ASCC3: variants seen among roughly 807,000 people sequenced by gnomAD.
The protein encoded by ASCC3 is ASC-1 complex subunit P200.
ASCC3 carries 158 observed loss-of-function variants against 256.3 expected under a neutral mutation model. The ratio of observed to expected loss-of-function variants is 0.62; its 90% CI spans 0.54 to 0.70. ASCC3 has a LOEUF of 0.70. Among genes scored for constraint, ASCC3 ranks in the 30% least tolerant of loss-of-function variants. The pLI is 0.00. For synonymous variants in ASCC3, 948 were observed against 883.4 expected (o/e 1.07, Z -1.30); for missense variants, 2,259 against 2,626.0 (o/e 0.86, Z 3.05).
chr6:100,785,441 C>T (rs1769017563), intron 8 of ASCC3, among the ~76,000 whole-genome samples: 1 of 152,112 alleles, frequency 6.6e-6, no homozygotes, highest in Non-Finnish European at 1.5e-5. Context: ...CGTTCTGCTG[C>T]CCAGGCTGGA....
chr6:100,535,125 C>T (rs1013589882), intron 37 of ASCC3, among the ~76,000 whole-genome samples: 1 of 152,152 alleles, frequency 6.6e-6, no homozygotes, highest in African/African-American at 2.4e-5. Context: ...TGGCCTTATA[C>T]TAAAATGGCA....
intron 13 of ASCC3, among the ~76,000 whole-genome samples, chr6:100,687,011 A>ATCTC (rs374661172): frequency 2.8e-4 from 39 of 141,638 alleles, no homozygotes; most frequent in Non-Finnish European, 4.1e-4. Context: ...CTGTACTTAA[A>ATCTC]TCTCTCTCTC....
intron 16 of ASCC3, among the ~76,000 whole-genome samples, chr6:100,656,452 A>G (rs902450140): frequency 1.3e-5 from 2 of 151,710 alleles, no homozygotes; most frequent in African/African-American, 4.8e-5. Flanking sequence ...CTCATGTACA[A>G]GAACAGGGAG....
intron 30 of ASCC3, among the ~76,000 whole-genome samples, chr6:100,615,515 A>G (rs1773625142): frequency 6.6e-6 from 1 of 152,168 alleles, no homozygotes; most frequent in African/African-American, 2.4e-5. Flanking sequence ...TTTTGCATCT[A>G]TAAAACTGGG....
chr6:100,716,360 G>A (rs971766990), intron 12 of ASCC3, among the ~76,000 whole-genome samples: 1 of 151,722 alleles, frequency 6.6e-6, no homozygotes, highest in African/African-American at 2.4e-5. Context: ...AACCAAAAAG[G>A]TAAGGTGGCT....
chr6:100,624,215 T>C (rs1236357980), intron 30 of ASCC3, among the ~76,000 whole-genome samples: 1 of 151,752 alleles, frequency 6.6e-6, no homozygotes, highest in Non-Finnish European at 1.5e-5. Context: ...TGTATAGAAA[T>C]ACACATATAT....
intron 4 of ASCC3, among the ~76,000 whole-genome samples, chr6:100,829,611 G>C (rs1771518625): frequency 1.3e-5 from 2 of 152,176 alleles, no homozygotes; most frequent in Admixed American, 6.5e-5. Flanking sequence ...GCCGGCTCCG[G>C]CCTTGGCCAG....
At position 100,625,179 on chromosome 6, in the gene ASCC3, A is replaced by G. The variant is rs1290492461; in HGVS notation, c.4785+13T>C. ...AAACGTGTAAGTAGTAGAAGATAAA[A>G]TATGTTGCTTACCTCTCTTTCATCC... On this transcript the variant is annotated intron_variant, in intron 30 of 41. Coordinates refer to ENST00000369162, the MANE Select transcript of ASCC3 (RefSeq NM_006828.4). 2.0e-5 allele frequency: 32 copies of G among 1,611,952 alleles called. No individual in the cohort carries two copies. In the Admixed American group the frequency reaches 5.4e-4, roughly 27 times the overall value.
intron 30 of ASCC3, among the ~76,000 whole-genome samples, chr6:100,621,594 G>A (rs1773956136): frequency 6.6e-6 from 1 of 152,154 alleles, no homozygotes; most frequent in Non-Finnish European, 1.5e-5. Flanking sequence ...AACAATAGAT[G>A]CAGGCAAGGT....
chr6:100,640,465 T>C (rs548100359), intron 24 of ASCC3, among the ~76,000 whole-genome samples: 2 of 152,254 alleles, frequency 1.3e-5, no homozygotes, highest in South Asian at 2.1e-4. Flanking sequence ...GCTAATTATA[T>C]AAATAGGGTG....
At chr6:100,756,862 A>T (rs542251982) in intron 10 of ASCC3, among the ~76,000 whole-genome samples, 6 of 152,248 alleles carry the variant, frequency 3.9e-5, no homozygotes, top group Admixed American at 1.3e-4. Context: ...ATTTTTTTTT[A>T]AAAATAGTGA....
Position 100,630,336 on chromosome 6 carries a change from A to AT in ASCC3, c.4208+791dup, listed in dbSNP as rs538558050. Among the ~76,000 whole-genome samples, 40 of 152,250 alleles carry AT rather than the reference A, an allele frequency of 2.6e-4. No homozygotes were observed. The East Asian group carries it at 6.9e-3, about 26-fold the overall frequency. On this transcript the variant is annotated intron_variant, in intron 26 of 41. Transcript: ENST00000369162. ...ATATGTTATTTTGAATATGGACTAT[A>AT]TTCACATGGTTCAAAGAATACAGGG...
intron 14 of ASCC3, among the ~76,000 whole-genome samples, chr6:100,673,596 C>T (rs1327383547): frequency 1.3e-5 from 2 of 152,134 alleles, no homozygotes; most frequent in Non-Finnish European, 2.9e-5. Flanking sequence ...AATTTCAATG[C>T]TATTTACTAT....
intron 10 of ASCC3, among the ~76,000 whole-genome samples, chr6:100,753,067 C>G (rs1200294392): frequency 6.6e-6 from 1 of 151,974 alleles, no homozygotes; most frequent in East Asian, 1.9e-4. Context: ...TTATATGGCT[C>G]TAACCTGATT....
At chr6:100,542,686 A>AAAT (rs1562106356) in intron 36 of ASCC3, among the ~76,000 whole-genome samples, 1 of 152,070 alleles carries the variant, frequency 6.6e-6, no homozygotes. Flanking sequence ...GTCAAAAAAA[A>AAAT]AATAATAATA....
In ASCC3 at chr6:100,868,004, T is replaced by C; in HGVS notation, c.-7A>G. Reference sequence around the variant, plus strand: ...TGAGACGAGGTAAAGCCATCTATTATTCAATCAGTGATCCATACAGCAAGA... The same window carrying C: ...TGAGACGAGGTAAAGCCATCTATTACTCAATCAGTGATCCATACAGCAAGA... On this transcript the variant is annotated 5_prime_UTR_variant, in exon 2 of 42. Coordinates refer to ENST00000369162, the MANE Select transcript of ASCC3 (RefSeq NM_006828.4). 1 of 1,605,076 alleles carries C rather than the reference T, an allele frequency of 6.2e-7. No individual in the cohort carries two copies. Among genetic ancestry groups the C allele is most frequent in the Non-Finnish European group, 8.5e-7 (1 of 1,172,086 alleles).
intron 36 of ASCC3, among the ~76,000 whole-genome samples, chr6:100,569,241 T>G (rs1017643859): frequency 6.6e-6 from 1 of 152,132 alleles, no homozygotes; most frequent in Non-Finnish European, 1.5e-5. Flanking sequence ...CTGCATTGCT[T>G]ATTTTTGTTG....
chr6:100,848,148 C>G lies in ASCC3; in HGVS notation c.801G>C (p.Glu267Asp), dbSNP rs1309731654. Residue 267 changes from glutamate (E) to aspartate (D), a missense_variant and splice_region_variant, in exon 4 of 42, where the codon GAG becomes GAC. By Grantham distance (45) the Glu-to-Asp change is conservative. Transcript: ENST00000369162. The part of the protein sequence containing the change: ...SIKSGDELQD[E>D]LFELLGPEGL... Reference sequence around the variant, plus strand: ...AAAAAATAAATCATTTCAACTATACCTCATCCTGAAGTTCATCACCACTTT... The same window carrying G: ...AAAAAATAAATCATTTCAACTATACGTCATCCTGAAGTTCATCACCACTTT... 1 of 1,583,494 alleles carries G rather than the reference C, an allele frequency of 6.3e-7. No individual in the cohort carries two copies.
At chr6:100,824,493 G>A (rs1771200788) in intron 4 of ASCC3, among the ~76,000 whole-genome samples, 1 of 152,170 alleles carries the variant, frequency 6.6e-6, no homozygotes, top group Non-Finnish European at 1.5e-5. Context: ...TGATGTGAAT[G>A]AGACATCCTT....
Sources: gnomAD v4.1 joint callset for allele counts (sites outside exome capture counted in the v4.1 genomes callset) on GRCh38, gnomAD v4.1.1 for gene constraint, MANE v1.5 for transcripts, NCBI Gene and HGNC (gene_info 2026-07-23, HGNC 2026-07-21) for gene names.